PSMD1: variants seen among roughly 807,000 people sequenced by gnomAD.
PSMD1 encodes the protein 26S proteasome non-ATPase regulatory subunit 1.
Under a neutral mutation model 119.0 loss-of-function variants are expected in PSMD1, and 18 were observed. That is an observed-to-expected ratio of 0.15 (90% confidence interval 0.10 to 0.22). PSMD1 has a LOEUF of 0.22. Ranked by LOEUF, PSMD1 falls within the 10% of genes least tolerant of loss-of-function variation. PSMD1 has a pLI of 1.00. For missense variants in PSMD1, 702 were observed against 1,158.5 expected, an observed-to-expected ratio of 0.61 and a Z score of 5.72; for synonymous variants, 374 against 396.6, an observed-to-expected ratio of 0.94 and a Z score of 0.68.
At chr2:231,088,386 T>C (rs1417546059) in intron 16 of PSMD1, among the ~76,000 whole-genome samples, 1 of 152,268 alleles carries the variant, frequency 6.6e-6, no homozygotes, top group Non-Finnish European at 1.5e-5. Context: ...GCTTTGCAGA[T>C]ACTGCATTTG....
At position 231,120,143 on chromosome 2, in the gene PSMD1, G is replaced by T. The variant is rs758526265; in HGVS notation, c.1884-18593G>T. On this transcript the variant is annotated intron_variant, in intron 16 of 24. Coordinates refer to ENST00000308696, the MANE Select transcript of PSMD1 (RefSeq NM_002807.4). ...ATTTTTGTATTTTTAGTAGGGACAGGGTTTCGCCATCTTGGCCAGGCTGGT... is the reference window on the plus strand; with the variant it reads ...ATTTTTGTATTTTTAGTAGGGACAGTGTTTCGCCATCTTGGCCAGGCTGGT... 3.9e-5 allele frequency among the ~76,000 whole-genome samples: 6 copies of T among 152,026 alleles called. No individual in the cohort carries two copies. The South Asian group carries it at 8.3e-4, about 21-fold the overall frequency.
intron 16 of PSMD1, among the ~76,000 whole-genome samples, chr2:231,117,966 G>C (rs915285213): frequency 1.3e-5 from 2 of 152,100 alleles, no homozygotes; most frequent in African/African-American, 4.8e-5. Flanking sequence ...TGGCTGGTCA[G>C]ATTTCTCATT....
intron 16 of PSMD1, among the ~76,000 whole-genome samples, chr2:231,092,257 C>T (rs1423659197): frequency 6.6e-6 from 1 of 152,070 alleles, no homozygotes; most frequent in African/African-American, 2.4e-5. Flanking sequence ...TCCTTAATAC[C>T]ATGATACTAG....
At chr2:231,070,978 A>G (rs1161597249) in intron 6 of PSMD1, among the ~76,000 whole-genome samples, 1 of 152,084 alleles carries the variant, frequency 6.6e-6, no homozygotes, top group Admixed American at 6.5e-5. Context: ...CTTTTAAAGC[A>G]AGTTTGAAAC....
chr2:231,102,980 C>T (rs953274484), intron 16 of PSMD1, among the ~76,000 whole-genome samples: 22 of 152,162 alleles, frequency 1.4e-4, no homozygotes, highest in African/African-American at 5.1e-4. Context: ...GTCTTATGTC[C>T]TTTTAAACTT....
chr2:231,170,852 C>A lies in PSMD1; in HGVS notation c.*9+131C>A. ...CTTATTTACCTAAACAGTATTAAAA[C>A]TTCCCCGTTTCAACCTTTTTCTGCA... On this transcript the variant is annotated intron_variant, in intron 24 of 24. Transcript: ENST00000308696. This position sits in a 1 kb window ranked among gnomAD's most constrained non-coding sequence, Gnocchi z 4.1. The A allele has an allele frequency of 9.9e-7, 1 of 1,014,442 alleles. No individual in the cohort carries two copies. Among genetic ancestry groups the A allele is most frequent in the Non-Finnish European group, 1.4e-6 (1 of 731,676 alleles). The allele number at this position is 1,014,442 out of a possible 1,614,324, so 62.8% of individuals were successfully genotyped here. A position where few individuals can be genotyped will look rare whatever the true frequency, so the allele number is the denominator to read the frequency against.
intron 4 of PSMD1, among the ~76,000 whole-genome samples, chr2:231,063,636 G>C (rs917482915): frequency 2.0e-5 from 3 of 152,200 alleles, no homozygotes; most frequent in African/African-American, 7.2e-5. Context: ...TTTTTGCTAT[G>C]ATGATGTGAA....
rs1693920269 is a variant in PSMD1 at position 231,066,844 on chromosome 2, T to G, written c.305-62T>G. The G allele has an allele frequency of 2.3e-6, 3 of 1,320,386 alleles. No individual in the cohort carries two copies. The East Asian group carries it at 7.5e-5, about 33-fold the overall frequency. The allele number at this position is 1,320,386 out of a possible 1,614,324, so 81.8% of individuals were successfully genotyped here. On this transcript the variant is annotated intron_variant, in intron 4 of 24. Coordinates refer to ENST00000308696, the MANE Select transcript of PSMD1 (RefSeq NM_002807.4). ...GTATATATGATTATAAATATAGGCA[T>G]TGCCCTTTCTGATAGTTTAGCCCAA...
Position 231,170,358 on chromosome 2 carries a change from C to G in PSMD1, c.2716-208C>G. 2.3e-6 allele frequency: 1 copy of G among 444,424 alleles called. No individual in the cohort carries two copies. The highest frequency in any genetic ancestry group is 3.9e-6 in the Non-Finnish European group (1 of 257,514). 27.5% of individuals were successfully genotyped at this position (444,424 alleles called of 1,614,324 possible). A position where few individuals can be genotyped will look rare whatever the true frequency, so the allele number is the denominator to read the frequency against. ...GCATCATCCAAGTAGAACAGCATCA[C>G]ATGTTATACCATCTAGAGCTACTGG... On this transcript the variant is annotated intron_variant, in intron 23 of 24. Transcript: ENST00000308696. The surrounding 1 kb of genome is among the most constrained non-coding windows in gnomAD (Gnocchi z 4.1).
chr2:231,138,915 AT>A, intron 17 of PSMD1, 65 bp downstream of exon 17: 1 of 1,186,958 alleles, frequency 8.4e-7, no homozygotes, highest in Non-Finnish European at 1.2e-6. Flanking sequence ...TCGCCGCAGA[AT>A]TTATGTAACA....
At chr2:231,071,053 AT>A (rs994479151) in intron 6 of PSMD1, among the ~76,000 whole-genome samples, 53 of 152,042 alleles carry the variant, frequency 3.5e-4, no homozygotes, top group Non-Finnish European at 6.6e-4. Context: ...TTCTAACTTG[AT>A]TTTTTACATC....
At chr2:231,117,831 T>C (rs771652111) in intron 16 of PSMD1, among the ~76,000 whole-genome samples, 38 of 152,144 alleles carry the variant, frequency 2.5e-4, no homozygotes, top group Non-Finnish European at 4.1e-4. Flanking sequence ...AATATAACTT[T>C]AACTGAAAAG....
At chr2:231,153,387 A>G in intron 18 of PSMD1, 177 bp from the exon 19 acceptor site, 1 of 560,302 alleles carries the variant, frequency 1.8e-6, no homozygotes, top group East Asian at 3.2e-5. Context: ...AAAAGTCATA[A>G]CACCCGTGAT....
At chr2:231,133,743 A>G (rs1333951500) in intron 16 of PSMD1, 2 of 152,198 alleles carry the variant, frequency 1.3e-5, no homozygotes, top group Non-Finnish European at 2.9e-5. Context: ...AGAGGGGGAA[A>G]AGAAAGACAC....
At chr2:231,058,227 C>T (rs1693659264) in intron 1 of PSMD1, among the ~76,000 whole-genome samples, 1 of 152,304 alleles carries the variant, frequency 6.6e-6, no homozygotes. Context: ...CTATAGGCCT[C>T]ATTCTATTTC....
chr2:231,170,424 T>C lies in PSMD1; in HGVS notation c.2716-142T>C. 1 of 838,576 alleles carries C rather than the reference T, an allele frequency of 1.2e-6. No homozygotes were observed. Among genetic ancestry groups the C allele is most frequent in the Non-Finnish European group, 1.7e-6 (1 of 573,878 alleles). 51.9% of individuals were successfully genotyped at this position (838,576 alleles called of 1,614,324 possible). On this transcript the variant is annotated intron_variant, in intron 23 of 24. Transcript: ENST00000308696. This position sits in a 1 kb window ranked among gnomAD's most constrained non-coding sequence, Gnocchi z 4.1. ...ACTTCGTATAGATCACAGTTATCTT[T>C]ATCCCAGTAAAGTTCTACTCCAGTT...
At chr2:231,101,585 T>A (rs1694867671) in intron 16 of PSMD1, among the ~76,000 whole-genome samples, 1 of 152,192 alleles carries the variant, frequency 6.6e-6, no homozygotes. Context: ...GTGGGTAGAA[T>A]AGCATCAAAC....
intron 12 of PSMD1, among the ~76,000 whole-genome samples, chr2:231,081,647 C>T (rs559309458): frequency 2.0e-5 from 3 of 152,314 alleles, no homozygotes; most frequent in Admixed American, 2.0e-4. Context: ...TCTTAAATGA[C>T]AGTCCCACCA....
At chr2:231,151,284 G>GT (rs1030648515) in intron 18 of PSMD1, among the ~76,000 whole-genome samples, 1 of 151,992 alleles carries the variant, frequency 6.6e-6, no homozygotes, top group African/African-American at 2.4e-5. Context: ...CAAACCAATT[G>GT]TTTTGCTTGT....
Sources: gnomAD v4.1 joint callset for allele counts (sites outside exome capture counted in the v4.1 genomes callset) on GRCh38, gnomAD v4.1.1 for gene constraint, Gnocchi (gnomAD v3.1) non-coding constraint, MANE v1.5 for transcripts, NCBI Gene and HGNC (gene_info 2026-07-23, HGNC 2026-07-21) for gene names.